Variants in KCNIP1 observed in about 807,000 individuals in gnomAD.
The protein encoded by KCNIP1 is A-type potassium channel modulatory protein KCNIP1.
Under a neutral mutation model 33.0 loss-of-function variants are expected in KCNIP1, and 18 were observed. The ratio of observed to expected loss-of-function variants is 0.55; its 90% CI spans 0.38 to 0.81. KCNIP1 has a LOEUF of 0.81. Ranked by LOEUF, KCNIP1 falls within the 30% of genes least tolerant of loss-of-function variation. The pLI is 0.00. For missense variants in KCNIP1, 238 were observed against 271.6 expected (o/e 0.88, Z 0.87); for synonymous variants, 93 against 98.3 (o/e 0.95, Z 0.32).
At chr5:170,616,921 A>G (rs1241067574) in intron 1 of KCNIP1, among the ~76,000 whole-genome samples, 1 of 151,880 alleles carries the variant, frequency 6.6e-6, no homozygotes, top group Non-Finnish European at 1.5e-5. Flanking sequence ...GAGCTGGGCT[A>G]GGGTCCCCTC....
intron 1 of KCNIP1, among the ~76,000 whole-genome samples, chr5:170,464,772 G>C (rs1756575140): frequency 6.6e-6 from 1 of 152,186 alleles, no homozygotes; most frequent in Non-Finnish European, 1.5e-5. Flanking sequence ...TGAACAGACA[G>C]CCCAAGACGC....
chr5:170,569,504 C>A (rs538521357), intron 1 of KCNIP1, among the ~76,000 whole-genome samples: 3 of 152,240 alleles, frequency 2.0e-5, no homozygotes, highest in African/African-American at 7.2e-5. Context: ...GCTGCAGTTT[C>A]TTCATGTGTC....
At chr5:170,523,446 C>T (rs544359733) in intron 1 of KCNIP1, among the ~76,000 whole-genome samples, 2 of 152,300 alleles carry the variant, frequency 1.3e-5, no homozygotes, top group African/African-American at 4.8e-5. Context: ...GGCAGGGTTC[C>T]GGAACTGCAG....
chr5:170,604,983 C>T (rs1255327317), intron 1 of KCNIP1, among the ~76,000 whole-genome samples: 1 of 152,246 alleles, frequency 6.6e-6, no homozygotes, highest in Non-Finnish European at 1.5e-5. Flanking sequence ...TCTTTCCCTC[C>T]TCCAGCTCAG....
At chr5:170,396,696 ACAGAAAGAAC>A (rs1266735454) in intron 1 of KCNIP1, among the ~76,000 whole-genome samples, 5 of 152,238 alleles carry the variant, frequency 3.3e-5, no homozygotes, top group African/African-American at 1.2e-4. Context: ...GTTGAAGTCA[ACAGAAAGAAC>A]CACGAAGGGG....
intron 1 of KCNIP1, among the ~76,000 whole-genome samples, chr5:170,399,812 T>C (rs1163489475): frequency 1.3e-5 from 2 of 152,210 alleles, no homozygotes; most frequent in Non-Finnish European, 2.9e-5. Flanking sequence ...ATTTAAGCTA[T>C]TTTCCAGGTT....
chr5:170,458,260 T>C (rs1448229171), intron 1 of KCNIP1, among the ~76,000 whole-genome samples: 1 of 152,140 alleles, frequency 6.6e-6, no homozygotes, highest in African/African-American at 2.4e-5. Flanking sequence ...ATCTAAAAGT[T>C]TGGAAAACAT....
rs1755301525 is a variant in KCNIP1 at position 170,415,429 on chromosome 5, C to T, written c.88+61465C>T. Among the ~76,000 whole-genome samples, 3 of 152,128 alleles carry T rather than the reference C, an allele frequency of 2.0e-5. No homozygotes were observed. In the South Asian group the frequency reaches 6.2e-4, roughly 32 times the overall value. On this transcript the variant is annotated intron_variant, in intron 1 of 7. Coordinates refer to the KCNIP1 transcript ENST00000377360. ...CATTTAGCAATATCCCTGGCCTCTA[C>T]CTACTGGATACCAGAGGCACCCCCC... is the stretch of plus-strand genomic sequence containing the variant.
intron 1 of KCNIP1, among the ~76,000 whole-genome samples, chr5:170,465,465 G>T (rs548014264): frequency 1.3e-5 from 2 of 152,326 alleles, no homozygotes; most frequent in Non-Finnish European, 2.9e-5. Context: ...GATGTGAAGG[G>T]CACTGGCCTC....
chr5:170,687,192 T>C (rs1762566891), intron 1 of KCNIP1, among the ~76,000 whole-genome samples: 1 of 152,080 alleles, frequency 6.6e-6, no homozygotes, highest in African/African-American at 2.4e-5. Context: ...TAAATTTTTT[T>C]TTTTTTTGAG....
chr5:170,695,628 ACTT>A (rs1762864184), intron 1 of KCNIP1, among the ~76,000 whole-genome samples: 1 of 152,208 alleles, frequency 6.6e-6, no homozygotes, highest in Non-Finnish European at 1.5e-5. Flanking sequence ...ACTTGGGTAA[ACTT>A]CTGCTTTGAG....
At chr5:170,496,409 C>A (rs1158915667) in intron 1 of KCNIP1, among the ~76,000 whole-genome samples, 1 of 152,214 alleles carries the variant, frequency 6.6e-6, no homozygotes, top group Non-Finnish European at 1.5e-5. Flanking sequence ...GAGTTCAAGG[C>A]CAGCTCCACC....
intron 1 of KCNIP1, chr5:170,669,464 G>A (rs1411969152): frequency 3.2e-6 from 3 of 927,640 alleles, no homozygotes; most frequent in Admixed American, 6.2e-5. Flanking sequence ...AAGTAATAGA[G>A]TGGTATTTAA....
At chr5:170,584,820 C>T (rs1257528465) in intron 1 of KCNIP1, among the ~76,000 whole-genome samples, 1 of 152,190 alleles carries the variant, frequency 6.6e-6, no homozygotes, top group Non-Finnish European at 1.5e-5. Flanking sequence ...ATTTCTCCTG[C>T]TCCACATTCC....
intron 1 of KCNIP1, among the ~76,000 whole-genome samples, chr5:170,711,130 G>A (rs1346581234): frequency 1.3e-5 from 2 of 152,190 alleles, no homozygotes; most frequent in African/African-American, 2.4e-5. Context: ...GGGCTTAAAT[G>A]ACTGCATGAT....
intron 1 of KCNIP1, among the ~76,000 whole-genome samples, chr5:170,582,866 A>G (rs1757848965): frequency 6.6e-6 from 1 of 152,210 alleles, no homozygotes; most frequent in African/African-American, 2.4e-5. Context: ...CATTTTCTTG[A>G]ATTACATGGG....
chr5:170,496,373 G>A (rs1233604064), intron 1 of KCNIP1, among the ~76,000 whole-genome samples: 1 of 152,232 alleles, frequency 6.6e-6, no homozygotes, highest in African/African-American at 2.4e-5. Context: ...TACATGCAGA[G>A]TGTGAGCTCC....
intron 1 of KCNIP1, among the ~76,000 whole-genome samples, chr5:170,716,033 G>A (rs183613673): frequency 5.1e-4 from 77 of 152,318 alleles, no homozygotes; most frequent in South Asian, 6.2e-4. Context: ...ACCGCTGCCC[G>A]TCACCTGTAA....
At chr5:170,718,046 C>G (rs1763693989) in intron 1 of KCNIP1, among the ~76,000 whole-genome samples, 2 of 152,186 alleles carry the variant, frequency 1.3e-5, no homozygotes, top group Non-Finnish European at 2.9e-5. Context: ...CTTTAATTGA[C>G]AGACACTTTC....
Sources: allele counts gnomAD v4.1 joint callset (sites outside exome capture counted in the v4.1 genomes callset), GRCh38; gene constraint gnomAD v4.1.1; transcripts MANE v1.5; gene names NCBI Gene and HGNC (gene_info 2026-07-23, HGNC 2026-07-21).